KCNIP4: variants seen among roughly 807,000 people sequenced by gnomAD.
KCNIP4 encodes potassium voltage-gated channel interacting protein 4, also known as Kv channel-interacting protein 4.
KCNIP4 carries 12 observed loss-of-function variants against 34.0 expected under a neutral mutation model. The observed-to-expected ratio is 0.35, with a 90% confidence interval of 0.23 to 0.57. The LOEUF is 0.57. Ranked by LOEUF, KCNIP4 falls within the 20% of genes least tolerant of loss-of-function variation. The pLI, the probability that KCNIP4 is intolerant of heterozygous loss-of-function variation, is 0.83. For missense variants in KCNIP4, 238 were observed against 311.7 expected (o/e 0.76, Z 1.78); for synonymous variants, 124 against 102.2 (o/e 1.21, Z -1.29).
At chr4:21,833,326 T>G (rs1423182772) in intron 1 of KCNIP4, among the ~76,000 whole-genome samples, 1 of 152,200 alleles carries the variant, frequency 6.6e-6, no homozygotes, top group Non-Finnish European at 1.5e-5. Context: ...TTGATTTGCA[T>G]TTTTCTGATG....
intron 1 of KCNIP4, among the ~76,000 whole-genome samples, chr4:21,749,490 C>T (rs1368333861): frequency 2.0e-5 from 3 of 152,144 alleles, no homozygotes; most frequent in African/African-American, 7.2e-5. Context: ...GCCCTCTCCC[C>T]ACTTGACACC....
At chr4:21,499,994 CT>C (rs1443616056) in intron 1 of KCNIP4, among the ~76,000 whole-genome samples, 2 of 152,056 alleles carry the variant, frequency 1.3e-5, no homozygotes, top group African/African-American at 2.4e-5. Context: ...GGAACACAGA[CT>C]AAAAATCTGC....
chr4:20,996,765 C>CTT (rs11391943), intron 1 of KCNIP4, among the ~76,000 whole-genome samples: 7 of 151,596 alleles, frequency 4.6e-5, no homozygotes, highest in Non-Finnish European at 8.8e-5. Flanking sequence ...CCCTGAACTT[C>CTT]TTTTTTTTAA....
At chr4:21,428,950 G>T (rs989476510) in intron 1 of KCNIP4, among the ~76,000 whole-genome samples, 1 of 152,018 alleles carries the variant, frequency 6.6e-6, no homozygotes, top group Non-Finnish European at 1.5e-5. Context: ...TGGTATACTG[G>T]TTACAATGGA....
chr4:21,109,947 G>T (rs534067682), intron 1 of KCNIP4, among the ~76,000 whole-genome samples: 1 of 151,926 alleles, frequency 6.6e-6, no homozygotes, highest in African/African-American at 2.4e-5. Flanking sequence ...AGATATTATT[G>T]TTCATACTCC....
chr4:21,444,619 C>A (rs376536325), intron 1 of KCNIP4, among the ~76,000 whole-genome samples: 1 of 152,126 alleles, frequency 6.6e-6, no homozygotes, highest in Non-Finnish European at 1.5e-5. Context: ...ATTGATGGGA[C>A]GTATCTCAAA....
chr4:20,844,222 G>GAGGTC (rs1393054710), intron 3 of KCNIP4, among the ~76,000 whole-genome samples: 1 of 152,204 alleles, frequency 6.6e-6, no homozygotes, highest in African/African-American at 2.4e-5. Flanking sequence ...AGTCAAAAGG[G>GAGGTC]AGGTCGTGTT....
At chr4:21,689,890 C>T (rs1751128166) in intron 1 of KCNIP4, among the ~76,000 whole-genome samples, 1 of 151,860 alleles carries the variant, frequency 6.6e-6, no homozygotes, top group Non-Finnish European at 1.5e-5. Context: ...TGTTGATCTA[C>T]TGCAGGGTTT....
At chr4:21,049,295 C>G (rs1348400715) in intron 1 of KCNIP4, among the ~76,000 whole-genome samples, 1 of 152,092 alleles carries the variant, frequency 6.6e-6, no homozygotes, top group East Asian at 1.9e-4. Flanking sequence ...CATTGCAGAG[C>G]AGAGATACAT....
chr4:21,739,453 CTA>C (rs1007420624), intron 1 of KCNIP4, among the ~76,000 whole-genome samples: 1 of 151,776 alleles, frequency 6.6e-6, no homozygotes, highest in African/African-American at 2.4e-5. Context: ...TCAGATGGTT[CTA>C]TCTCTTTTTT....
At chr4:21,128,963 G>A (rs540597040) in intron 1 of KCNIP4, among the ~76,000 whole-genome samples, 11 of 152,200 alleles carry the variant, frequency 7.2e-5, no homozygotes, top group African/African-American at 1.7e-4. Context: ...TAGGCTTGAC[G>A]GACAGATTAA....
intron 1 of KCNIP4, among the ~76,000 whole-genome samples, chr4:21,701,590 T>A (rs922997218): frequency 6.6e-6 from 1 of 152,214 alleles, no homozygotes; most frequent in African/African-American, 2.4e-5. Flanking sequence ...CTGTCTGTAG[T>A]CTTCTAGGGT....
intron 1 of KCNIP4, among the ~76,000 whole-genome samples, chr4:20,949,512 A>G (rs1484026006): frequency 6.6e-6 from 1 of 152,132 alleles, no homozygotes; most frequent in Non-Finnish European, 1.5e-5. Context: ...TACTGGGTAT[A>G]TACCCAAAGG....
Position 21,103,304 on chromosome 4 carries a change from C to T in KCNIP4, c.62-220595G>A, listed in dbSNP as rs578061607. 3.9e-3 allele frequency among the ~76,000 whole-genome samples: 562 copies of T among 144,474 alleles called. 1 individual carries two copies. The highest frequency in any genetic ancestry group is 0.014 in the African/African-American group (539 of 39,530). The allele number at this position is 144,474 out of a possible 152,430, so 94.8% of individuals were successfully genotyped here. On this transcript the variant is annotated intron_variant, in intron 1 of 8. Coordinates refer to ENST00000382152, the MANE Select transcript of KCNIP4 (RefSeq NM_025221.6). ...TAATTACATGACATTATATATATAA[C>T]ATATATAATATATAATATAAAATAT...
chr4:21,916,988 T>C (rs1311529833), intron 1 of KCNIP4, among the ~76,000 whole-genome samples: 1 of 152,230 alleles, frequency 6.6e-6, no homozygotes, highest in Admixed American at 6.5e-5. Context: ...GAATTCTCAA[T>C]AGCATGGATG....
intron 1 of KCNIP4, among the ~76,000 whole-genome samples, chr4:21,237,859 A>C (rs1759485194): frequency 6.6e-6 from 1 of 152,198 alleles, no homozygotes; most frequent in African/African-American, 2.4e-5. Flanking sequence ...AAAAGAGGGA[A>C]TCCTCCCTAA....
At chr4:21,531,292 TTC>T (rs913414074) in intron 1 of KCNIP4, among the ~76,000 whole-genome samples, 6 of 150,800 alleles carry the variant, frequency 4.0e-5, no homozygotes, top group Admixed American at 1.3e-4. Context: ...CTTTCCTTCT[TTC>T]TCTCTCTCTC....
At chr4:21,457,639 A>C (rs1729073283) in intron 1 of KCNIP4, among the ~76,000 whole-genome samples, 1 of 152,044 alleles carries the variant, frequency 6.6e-6, no homozygotes, top group Admixed American at 6.6e-5. Context: ...CTCCCTGGAC[A>C]GAATCCCTCT....
chr4:20,867,416 C>T (rs527239380), intron 2 of KCNIP4, among the ~76,000 whole-genome samples: 12 of 151,950 alleles, frequency 7.9e-5, no homozygotes, highest in Non-Finnish European at 1.2e-4. Flanking sequence ...CAAAAACAAG[C>T]AATGAGGAAA....
Sources: allele counts gnomAD v4.1 joint callset (sites outside exome capture counted in the v4.1 genomes callset), GRCh38; gene constraint gnomAD v4.1.1; transcripts MANE v1.5; gene names NCBI Gene and HGNC (gene_info 2026-07-23, HGNC 2026-07-21).